The following TTLL9 variants were observed in gnomAD, a reference collection of about 807,000 sequenced individuals.
TTLL9 encodes the protein probable tubulin polyglutamylase TTLL9.
Under a neutral mutation model 65.6 loss-of-function variants are expected in TTLL9, and 47 were observed. The observed-to-expected ratio is 0.72, with a 90% CI of 0.57 to 0.91. TTLL9 has a LOEUF of 0.91. Among genes scored for constraint, TTLL9 ranks in the 40% least tolerant of loss-of-function variants. TTLL9 has a pLI of 0.00. For missense variants in TTLL9, 537 were observed against 568.8 expected (o/e 0.94, Z 0.57); for synonymous variants, 179 against 204.8 (o/e 0.87, Z 1.07).
At chr20:31,882,642 G>A (rs573259633) in intron 2 of TTLL9, among the ~76,000 whole-genome samples, 2 of 152,232 alleles carry the variant, frequency 1.3e-5, no homozygotes, top group East Asian at 3.9e-4. Context: ...AAAAACTCTT[G>A]TAGCCTTGTC....
chr20:31,922,656 G>A (rs1469942773), intron 7 of TTLL9, among the ~76,000 whole-genome samples: 1 of 152,200 alleles, frequency 6.6e-6, no homozygotes, highest in South Asian at 2.1e-4. Flanking sequence ...TGTAAATGGC[G>A]TCTTGCGGCC....
chr20:31,941,567 A>ATT (rs147485348), intron 14 of TTLL9, among the ~76,000 whole-genome samples: 8 of 149,890 alleles, frequency 5.3e-5, no homozygotes, highest in Non-Finnish European at 1.0e-4. Context: ...TTTTTTTATT[A>ATT]TTTTTTTTTG....
intron 6 of TTLL9, among the ~76,000 whole-genome samples, chr20:31,915,691 T>C (rs2063723969): frequency 6.6e-6 from 1 of 152,092 alleles, no homozygotes; most frequent in African/African-American, 2.4e-5. Flanking sequence ...GTTTGGCCTG[T>C]CTGTTCGCTG....
At chr20:31,920,932 A>G (rs1348833002) in intron 7 of TTLL9, among the ~76,000 whole-genome samples, 1 of 152,154 alleles carries the variant, frequency 6.6e-6, no homozygotes, top group Non-Finnish European at 1.5e-5. Flanking sequence ...GGTGTTTGCA[A>G]CCTGCGAGGT....
chr20:31,934,811 G>A lies in TTLL9; in HGVS notation c.927G>A (p.Val309=), dbSNP rs373834407. 2.0e-5 allele frequency: 32 copies of A among 1,613,944 alleles called. No individual in the cohort carries two copies. The highest frequency in any genetic ancestry group is 2.5e-5 in the Non-Finnish European group (30 of 1,180,042). ...DNIFVKSLQS[V]QKVIISDKHC... ...TCTTTGTCAAAAGCCTGCAGAGTGTGCAGAAGGTGATCATCAGTGACAAGC... is the reference window on the plus strand; with the variant it reads ...TCTTTGTCAAAAGCCTGCAGAGTGTACAGAAGGTGATCATCAGTGACAAGC... The change falls in exon 12 of 15, where the codon GTG becomes GTA. Residue 309 remains valine (V), a synonymous_variant. Transcript: ENST00000535842.
At chr20:31,901,792 T>C (rs1201756363) in intron 4 of TTLL9, among the ~76,000 whole-genome samples, 1 of 152,196 alleles carries the variant, frequency 6.6e-6, no homozygotes, top group Non-Finnish European at 1.5e-5. Flanking sequence ...CCACCCAGCG[T>C]AGGTCCCTCA....
chr20:31,908,692 A>G lies in TTLL9; in HGVS notation c.308A>G (p.Asn103Ser). 3 of 1,613,894 alleles carry G rather than the reference A, an allele frequency of 1.9e-6. No individual in the cohort carries two copies. The South Asian group carries it at 3.3e-5, about 18-fold the overall frequency. ...CATGTGCGGATCAGTCACTTCCGGA[A>G]CCACTATGAGGTGAGCTGGGCAGGC... Reference protein sequence around the residue: ...DEHVRISHFRNHYELTRKNYM... With the variant: ...DEHVRISHFRSHYELTRKNYM... Residue 103 changes from asparagine (N) to serine (S), a missense_variant, in exon 5 of 15, where the codon AAC (asparagine) becomes AGC (serine). By Grantham distance (46) the Asn-to-Ser change is conservative. This residue lies in a region of TTLL9 where 320 missense variants were observed against 311.0 expected (regional missense o/e 1.03). Transcript: ENST00000535842.
At chr20:31,927,521 G>C (rs991564683) in intron 10 of TTLL9, among the ~76,000 whole-genome samples, 3 of 146,508 alleles carry the variant, frequency 2.0e-5, no homozygotes, top group Non-Finnish European at 4.5e-5. Flanking sequence ...GGAAATAGAT[G>C]TTGCCTTTGG....
chr20:31,917,792 G>A (rs1004885898), intron 6 of TTLL9, among the ~76,000 whole-genome samples: 5 of 152,214 alleles, frequency 3.3e-5, no homozygotes, highest in African/African-American at 4.8e-5. Context: ...TGGCTCGCCC[G>A]TCAAGACAGG....
In TTLL9 at chr20:31,943,620, C is replaced by T. The variant is rs139000015; in HGVS notation, c.*599C>T. On this transcript the variant is annotated 3_prime_UTR_variant, in exon 15 of 15. Coordinates refer to ENST00000535842, the MANE Select transcript of TTLL9 (RefSeq NM_001008409.5). Reference sequence around the variant, plus strand: ...TTGCATGTCAGGGGAGCCCATGGGGCTCCCTGACCATCATCTGAAAACCAG... The same window carrying T: ...TTGCATGTCAGGGGAGCCCATGGGGTTCCCTGACCATCATCTGAAAACCAG... 1.4e-4 allele frequency: 56 copies of T among 406,004 alleles called. No individual in the cohort carries two copies. In the East Asian group the frequency reaches 3.7e-3, roughly 27 times the overall value. The allele number at this position is 406,004 out of a possible 1,614,324, so 25.2% of individuals were successfully genotyped here.
intron 10 of TTLL9, among the ~76,000 whole-genome samples, chr20:31,928,072 T>C: frequency 6.6e-6 from 1 of 151,660 alleles, no homozygotes; most frequent in African/African-American, 2.4e-5. Flanking sequence ...TAACTAAAGT[T>C]AAATAATACA....
intron 4 of TTLL9, among the ~76,000 whole-genome samples, chr20:31,902,522 A>C (rs1249734816): frequency 1.3e-5 from 2 of 151,874 alleles, no homozygotes; most frequent in Admixed American, 6.6e-5. Context: ...CTGGGACTTC[A>C]TTCCCTTTTA....
At chr20:31,925,264 C>G (rs2063881310) in intron 9 of TTLL9, among the ~76,000 whole-genome samples, 1 of 152,208 alleles carries the variant, frequency 6.6e-6, no homozygotes, top group Non-Finnish European at 1.5e-5. Context: ...GATTTGCCCT[C>G]TCTCTGCCCT....
intron 10 of TTLL9, among the ~76,000 whole-genome samples, chr20:31,927,705 G>A (rs1432252557): frequency 3.9e-5 from 6 of 152,160 alleles, no homozygotes; most frequent in East Asian, 1.9e-4. Context: ...AGACAATCCA[G>A]CAATATTTTG....
Position 31,939,225 on chromosome 20 carries a change from A to G in TTLL9, c.1202A>G (p.Asp401Gly). 6.2e-7 allele frequency: 1 copy of G among 1,613,410 alleles called. No homozygotes were observed. Among genetic ancestry groups the G allele is most frequent in the Non-Finnish European group, 8.5e-7 (1 of 1,179,720 alleles). Residue 401 changes from aspartate (D) to glycine (G), a missense_variant, in exon 14 of 15, where the codon GAC (aspartate) becomes GGC (glycine). Physicochemically the swap from Asp to Gly is moderately conservative, Grantham distance 94. Coordinates refer to ENST00000535842, the MANE Select transcript of TTLL9 (RefSeq NM_001008409.5). ...GTTAGCAGAGAGGAGGGGGCTCCTG[A>G]CCTGTCGGGAATGGGAAACTTTGTG... ...GPVSREEGAP[D>G]LSGMGNFVTN...
At chr20:31,889,987 T>TTTC (rs1271000280) in intron 3 of TTLL9, among the ~76,000 whole-genome samples, 1 of 120,950 alleles carries the variant, frequency 8.3e-6, no homozygotes, top group Non-Finnish European at 1.6e-5. Context: ...TCTTTCTTTC[T>TTTC]TTCTTTCTTT....
chr20:31,879,854 T>G (rs551927999), intron 2 of TTLL9: 2 of 1,549,948 alleles, frequency 1.3e-6, no homozygotes, highest in African/African-American at 1.4e-5. Context: ...GCGGTGGCGG[T>G]TTGGATCTGG....
Position 31,944,105 on chromosome 20 carries a change from G to A in TTLL9, c.*1084G>A, listed in dbSNP as rs2064273423. 6.1e-6 allele frequency: 2 copies of A among 330,068 alleles called. No individual in the cohort carries two copies. The highest frequency in any genetic ancestry group is 7.5e-5 in the East Asian group (1 of 13,350). The allele number at this position is 330,068 out of a possible 1,614,324, so 20.4% of individuals were successfully genotyped here. On this transcript the variant is annotated 3_prime_UTR_variant, in exon 15 of 15. Transcript: ENST00000535842. ...GAACCAGCCGACTTTAGGAAAGCCA[G>A]AAGCCAGGCTACTCTAGACCTTCTG...
At chr20:31,891,912 C>T (rs2063313038) in intron 3 of TTLL9, among the ~76,000 whole-genome samples, 1 of 151,986 alleles carries the variant, frequency 6.6e-6, no homozygotes, top group African/African-American at 2.4e-5. Context: ...AAGCAATTCT[C>T]CTGCCTCGGC....
Sources: gnomAD v4.1 joint callset for allele counts (sites outside exome capture counted in the v4.1 genomes callset) on GRCh38, gnomAD v4.1.1 for gene constraint, gnomAD v4.1.1 regional missense constraint, MANE v1.5 for transcripts, NCBI Gene and HGNC (gene_info 2026-07-23, HGNC 2026-07-21) for gene names.